STX16: variants seen among roughly 807,000 people sequenced by gnomAD.
The protein encoded by STX16 is syntaxin 16, also known as syntaxin-16.
In STX16, 28 loss-of-function variants were observed where a neutral mutation model predicts 42.7. The ratio of observed to expected loss-of-function variants is 0.66; its 90% CI spans 0.49 to 0.90. The LOEUF (loss-of-function observed/expected upper bound fraction) is 0.90, where lower values mean the gene tolerates loss of function less well. Ranked by LOEUF, STX16 falls within the 40% of genes least tolerant of loss-of-function variation. The pLI is 0.00. For synonymous variants in STX16, 156 were observed against 155.2 expected (o/e 1.00, Z -0.04); for missense variants, 361 against 420.9 (o/e 0.86, Z 1.24).
rs141733765 is a variant in STX16 at position 58,651,652 on chromosome 20, C to T, written c.-355C>T. The T allele has an allele frequency of 1.6e-3, 380 of 238,992 alleles. 2 individuals are homozygous for T. The highest frequency in any genetic ancestry group is 8.1e-3 in the African/African-American group (359 of 44,068). The allele number at this position is 238,992 out of a possible 1,614,324, so 14.8% of individuals were successfully genotyped here. On this transcript the variant is annotated 5_prime_UTR_variant, in exon 1 of 9. Transcript: ENST00000371141. The stretch of plus-strand genomic sequence containing the variant: ...AGGGAGTAGGGGGCTTCAGGGCCTC[C>T]CAGTCTAGAGCCGGATTGGCGAGTT...
intron 6 of STX16, 120 bp from the exon 7 acceptor site, chr20:58,671,034 T>C: frequency 9.4e-7 from 1 of 1,067,686 alleles, no homozygotes; most frequent in Non-Finnish European, 1.3e-6. Flanking sequence ...TAGAAATATT[T>C]TCAGAATTCA....
intron 7 of STX16, among the ~76,000 whole-genome samples, chr20:58,672,588 A>G (rs1376381425): frequency 1.3e-5 from 2 of 152,174 alleles, no homozygotes; most frequent in Admixed American, 1.3e-4. Flanking sequence ...TTTACAAATT[A>G]TATACATAGG....
In STX16 at chr20:58,679,339, T is replaced by C. The variant is rs2084216390; in HGVS notation, c.*3048T>C. 6.5e-6 allele frequency: 1 copy of C among 152,684 alleles called. No homozygotes were observed. The highest frequency in any genetic ancestry group is 6.5e-5 in the Admixed American group (1 of 15,286). 9.5% of individuals were successfully genotyped at this position (152,684 alleles called of 1,614,324 possible). A position where few individuals can be genotyped will look rare whatever the true frequency, so the allele number is the denominator to read the frequency against. The stretch of plus-strand genomic sequence containing the variant: ...GGCTTCTTAAAGGTAATAAAACCCT[T>C]CCAACGTAATTGGTCAGATAAAACT... On this transcript the variant is annotated 3_prime_UTR_variant, in exon 9 of 9. Coordinates refer to ENST00000371141, the MANE Select transcript of STX16 (RefSeq NM_001001433.3).
rs749123924 is a variant in STX16 at position 58,652,146 on chromosome 20, T to A, written c.132+8T>A. On this transcript the variant is annotated splice_region_variant and intron_variant, in intron 1 of 8. Transcript: ENST00000371141. Reference sequence around the variant, plus strand: ...TCACGTAGCATTGCTGCGGTGAGTCTCCTGGCGGCCTCTCCGACACACGGA... The same window carrying A: ...TCACGTAGCATTGCTGCGGTGAGTCACCTGGCGGCCTCTCCGACACACGGA... 7 of 1,613,440 alleles carry A rather than the reference T, an allele frequency of 4.3e-6. No homozygotes were observed. The South Asian group carries it at 7.7e-5, about 18-fold the overall frequency.
chr20:58,656,342 G>A (rs529858993), intron 1 of STX16, among the ~76,000 whole-genome samples: 3 of 152,320 alleles, frequency 2.0e-5, no homozygotes, highest in South Asian at 2.1e-4. Flanking sequence ...CCCCAGTACT[G>A]TGCAAAAGTA....
chr20:58,655,590 T>A (rs1277755315), intron 1 of STX16, among the ~76,000 whole-genome samples: 1 of 152,196 alleles, frequency 6.6e-6, no homozygotes, highest in Non-Finnish European at 1.5e-5. Flanking sequence ...CCATGGTGTA[T>A]GACAATGATG....
rs553126618 is a variant in STX16 at position 58,672,162 on chromosome 20, G to A, written c.792+865G>A. ...AGCGCGGTCAACATGGTGAAACCCC[G>A]TCTCTGCTAAAAATACAAAAAAATT... On this transcript the variant is annotated intron_variant, in intron 7 of 8. Coordinates refer to ENST00000371141, the MANE Select transcript of STX16 (RefSeq NM_001001433.3). 8.6e-5 allele frequency among the ~76,000 whole-genome samples: 13 copies of A among 152,034 alleles called. No individual in the cohort carries two copies. The South Asian group carries it at 2.1e-3, about 24-fold the overall frequency.
At chr20:58,668,171 C>A in intron 4 of STX16, 44 bp downstream of exon 4, 1 of 1,608,526 alleles carries the variant, frequency 6.2e-7, no homozygotes, top group Non-Finnish European at 8.5e-7. Context: ...CGAGCCTTCT[C>A]ATGGCAATCT....
At chr20:58,664,679 C>A (rs979709532) in intron 2 of STX16, among the ~76,000 whole-genome samples, 4 of 152,214 alleles carry the variant, frequency 2.6e-5, no homozygotes, top group African/African-American at 9.6e-5. Context: ...TTCACTTCAA[C>A]CGACTTTTCA....
intron 1 of STX16, among the ~76,000 whole-genome samples, chr20:58,656,615 C>G (rs1273162466): frequency 6.6e-6 from 1 of 152,140 alleles, no homozygotes; most frequent in South Asian, 2.1e-4. Flanking sequence ...GTGTTTACTG[C>G]CTAATCTATA....
At chr20:58,660,932 A>G (rs1245171730) in intron 2 of STX16, among the ~76,000 whole-genome samples, 156 of 150,742 alleles carry the variant, frequency 1.0e-3, no homozygotes, top group Non-Finnish European at 1.3e-4. Context: ...ACTAAAAACA[A>G]TTAGTTAAAA....
chr20:58,676,262 G>T lies in STX16; in HGVS notation c.949G>T (p.Val317Phe). Reference sequence around the variant, plus strand: ...ATTTGTCATCATCATTGTGCTCATTGTTGTCCTCGTTGGCGTGAAGTCTCG... The same window carrying T: ...ATTTGTCATCATCATTGTGCTCATTTTTGTCCTCGTTGGCGTGAAGTCTCG... ...ILFVIIIVLIVVLVGVKSR is the reference protein window; with the variant it reads ...ILFVIIIVLIFVLVGVKSR The change falls in exon 9 of 9, where the codon GTT (valine) becomes TTT (phenylalanine). Residue 317 changes from valine to phenylalanine, a missense_variant. Coordinates refer to ENST00000371141, the MANE Select transcript of STX16 (RefSeq NM_001001433.3). 6.2e-7 allele frequency: 1 copy of T among 1,614,206 alleles called. No individual in the cohort carries two copies. The highest frequency in any genetic ancestry group is 8.5e-7 in the Non-Finnish European group (1 of 1,180,024).
intron 8 of STX16, among the ~76,000 whole-genome samples, chr20:58,674,870 G>C (rs747951115): frequency 1.2e-4 from 19 of 152,234 alleles, no homozygotes; most frequent in Non-Finnish European, 2.5e-4. Flanking sequence ...AAAAACTAGT[G>C]AAATATGTTT....
intron 8 of STX16, among the ~76,000 whole-genome samples, chr20:58,674,696 G>A (rs1275398136): frequency 6.6e-6 from 1 of 152,222 alleles, no homozygotes; most frequent in African/African-American, 2.4e-5. Flanking sequence ...GTGGTGGGAA[G>A]AGAAGTCTGA....
chr20:58,667,715 ACTTTAG>A (rs1190333278), intron 3 of STX16, 118 bp downstream of exon 3: 5 of 997,088 alleles, frequency 5.0e-6, no homozygotes, highest in East Asian at 2.6e-5. Context: ...TTCTAGAAAT[ACTTTAG>A]CTTTAGGTTA....
chr20:58,656,129 G>A (rs908875264), intron 1 of STX16, among the ~76,000 whole-genome samples: 1 of 152,094 alleles, frequency 6.6e-6, no homozygotes, highest in Admixed American at 6.6e-5. Flanking sequence ...TAATCTTTTC[G>A]GACATTTTTT....
intron 8 of STX16, among the ~76,000 whole-genome samples, chr20:58,675,819 G>A (rs1012425771): frequency 6.6e-6 from 1 of 152,174 alleles, no homozygotes; most frequent in African/African-American, 2.4e-5. Flanking sequence ...AACACGGACC[G>A]GGAACAGGCG....
chr20:58,674,013 C>A (rs1206551793), intron 8 of STX16, among the ~76,000 whole-genome samples: 1 of 152,092 alleles, frequency 6.6e-6, no homozygotes, highest in Non-Finnish European at 1.5e-5. Context: ...ATATTTCATT[C>A]TTTTCTAATG....
At chr20:58,652,170 G>A (rs762323083) in intron 1 of STX16, 32 bp downstream of exon 1, 4 of 1,611,742 alleles carry the variant, frequency 2.5e-6, no homozygotes, top group African/African-American at 2.7e-5. Flanking sequence ...CCGACACACG[G>A]ACCGTGTGCA....
Sources: allele counts gnomAD v4.1 joint callset (sites outside exome capture counted in the v4.1 genomes callset), GRCh38; gene constraint gnomAD v4.1.1; transcripts MANE v1.5; gene names NCBI Gene and HGNC (gene_info 2026-07-23, HGNC 2026-07-21).